The following LRFN2 variants were observed in gnomAD, a reference collection of about 807,000 sequenced individuals.
LRFN2 encodes leucine rich repeat and fibronectin type III domain containing 2.
In LRFN2, 18 loss-of-function variants were observed where a neutral mutation model predicts 37.3. That is an observed-to-expected ratio of 0.48 (90% confidence interval 0.33 to 0.72). The LOEUF is 0.72. LRFN2 is among the 30% of genes least tolerant of loss of function. LRFN2 has a pLI of 0.02. For synonymous variants in LRFN2, 556 were observed against 466.6 expected, an observed-to-expected ratio of 1.19 and a Z score of -2.47; for missense variants, 1,006 against 1,060.7, an observed-to-expected ratio of 0.95 and a Z score of 0.72.
intron 2 of LRFN2, among the ~76,000 whole-genome samples, chr6:40,412,006 C>T (rs1422210716): frequency 4.6e-5 from 7 of 152,240 alleles, no homozygotes; most frequent in South Asian, 4.1e-4. Context: ...CTGCATGTAA[C>T]GTGGGGAGGA....
At chr6:40,451,956 AATC>A (rs1311641535) in intron 1 of LRFN2, among the ~76,000 whole-genome samples, 1 of 152,172 alleles carries the variant, frequency 6.6e-6, no homozygotes, top group Non-Finnish European at 1.5e-5. Context: ...AATTTCTAGG[AATC>A]ATCATCACTC....
chr6:40,557,322 G>T (rs766092621), intron 1 of LRFN2, among the ~76,000 whole-genome samples: 3 of 152,162 alleles, frequency 2.0e-5, no homozygotes, highest in Non-Finnish European at 4.4e-5. Context: ...AAGCATAAAG[G>T]TCAGAAAAAT....
chr6:40,553,209 G>A (rs1309969531), intron 1 of LRFN2, among the ~76,000 whole-genome samples: 1 of 152,180 alleles, frequency 6.6e-6, no homozygotes, highest in Non-Finnish European at 1.5e-5. Context: ...GGCTTAGCCT[G>A]CCTTTACCAC....
chr6:40,580,959 G>C (rs1469873945), intron 1 of LRFN2, among the ~76,000 whole-genome samples: 1 of 152,170 alleles, frequency 6.6e-6, no homozygotes, highest in East Asian at 1.9e-4. Context: ...GGGCATGCAA[G>C]TGTGGATGTG....
chr6:40,473,692 C>T (rs1764652437), intron 1 of LRFN2, among the ~76,000 whole-genome samples: 2 of 151,978 alleles, frequency 1.3e-5, no homozygotes, highest in African/African-American at 4.8e-5. Context: ...GAATTTAAGC[C>T]CCACATGCAT....
intron 1 of LRFN2, among the ~76,000 whole-genome samples, chr6:40,511,067 G>A (rs1765692534): frequency 1.3e-5 from 2 of 152,146 alleles, no homozygotes; most frequent in South Asian, 4.1e-4. Flanking sequence ...AGGCCAAAGG[G>A]AGCCTGGGGC....
chr6:40,538,850 C>T (rs1304783210), intron 1 of LRFN2, among the ~76,000 whole-genome samples: 3 of 152,228 alleles, frequency 2.0e-5, no homozygotes, highest in Admixed American at 2.0e-4. Context: ...TCTTTTTGTG[C>T]TCATCAGAAA....
At position 40,391,591 on chromosome 6, in the gene LRFN2, A is replaced by C; in HGVS notation, c.*352T>G. On this transcript the variant is annotated 3_prime_UTR_variant, in exon 3 of 3. Coordinates refer to ENST00000338305, the MANE Select transcript of LRFN2 (RefSeq NM_020737.3). ...GTGAATGAAGAGGAGGAGTCTGGGAAATGGAAAAAAAATAAATTAAGAAAT... is the reference window on the plus strand; with the variant it reads ...GTGAATGAAGAGGAGGAGTCTGGGACATGGAAAAAAAATAAATTAAGAAAT... 5.4e-6 allele frequency: 1 copy of C among 185,520 alleles called. No individual in the cohort carries two copies. 11.5% of individuals were successfully genotyped at this position (185,520 alleles called of 1,614,324 possible).
At position 40,392,139 on chromosome 6, in the gene LRFN2, T is replaced by A; in HGVS notation, c.2174A>T (p.Asp725Val). 6.2e-7 allele frequency: 1 copy of A among 1,611,466 alleles called. No homozygotes were observed. The highest frequency in any genetic ancestry group is 8.5e-7 in the Non-Finnish European group (1 of 1,178,856). Residue 725 changes from aspartate (D) to valine (V), a missense_variant, in exon 3 of 3, where the codon GAC becomes GTC. This residue lies in a region of LRFN2 where 398 missense variants were observed against 327.6 expected (regional missense o/e 1.21). Coordinates refer to ENST00000338305, the MANE Select transcript of LRFN2 (RefSeq NM_020737.3). This position sits in a 1 kb window ranked among gnomAD's most constrained non-coding sequence, Gnocchi z 4.7. ...CGCCGCAGCAGCAAAGTCCCCCATGTCGAAGGAGTGGCTGCGTTTGGCCTT... is the reference window on the plus strand; with the variant it reads ...CGCCGCAGCAGCAAAGTCCCCCATGACGAAGGAGTGGCTGCGTTTGGCCTT... ...EGKAKRSHSF[D>V]MGDFAAAAAG... is the part of the protein sequence containing the mutation.
chr6:40,467,586 C>G (rs1394192908), intron 1 of LRFN2, among the ~76,000 whole-genome samples: 1 of 152,116 alleles, frequency 6.6e-6, no homozygotes, highest in Non-Finnish European at 1.5e-5. Context: ...CTATCTGCAA[C>G]CTGAATGGTA....
intron 1 of LRFN2, chr6:40,501,875 G>A (rs1028906840): frequency 2.0e-5 from 3 of 152,156 alleles, no homozygotes; most frequent in African/African-American, 7.2e-5. Context: ...ACAGGGAGCA[G>A]AGAGCCACGC....
intron 1 of LRFN2, among the ~76,000 whole-genome samples, chr6:40,497,326 A>G (rs953186531): frequency 6.6e-6 from 1 of 152,020 alleles, no homozygotes; most frequent in Non-Finnish European, 1.5e-5. Flanking sequence ...CTCTTAGTCA[A>G]CCAGGCCCAA....
chr6:40,545,210 C>T (rs551268685), intron 1 of LRFN2, among the ~76,000 whole-genome samples: 3 of 152,296 alleles, frequency 2.0e-5, no homozygotes, highest in South Asian at 4.2e-4. Flanking sequence ...TGGAAACTGA[C>T]CAGATAGCAA....
chr6:40,557,084 T>G (rs1389020435), intron 1 of LRFN2, among the ~76,000 whole-genome samples: 1 of 152,180 alleles, frequency 6.6e-6, no homozygotes, highest in African/African-American at 2.4e-5. Context: ...ACAGCCTCTC[T>G]GCCACAATGC....
chr6:40,555,483 G>A (rs572897150), intron 1 of LRFN2, among the ~76,000 whole-genome samples: 13 of 152,318 alleles, frequency 8.5e-5, no homozygotes, highest in African/African-American at 3.1e-4. Context: ...TGGGCTGTCT[G>A]AGCCCCATCC....
chr6:40,565,170 C>T (rs532353046), intron 1 of LRFN2, among the ~76,000 whole-genome samples: 1 of 152,268 alleles, frequency 6.6e-6, no homozygotes, highest in Non-Finnish European at 1.5e-5. Flanking sequence ...ATTAATCCAA[C>T]TTACAAGGGA....
chr6:40,522,710 G>A (rs1052628158), intron 1 of LRFN2, among the ~76,000 whole-genome samples: 2 of 152,182 alleles, frequency 1.3e-5, no homozygotes, highest in Admixed American at 1.3e-4. Flanking sequence ...CCCTTCCTAT[G>A]GAGGAATCCT....
chr6:40,489,029 T>C (rs1765029991), intron 1 of LRFN2, among the ~76,000 whole-genome samples: 3 of 152,180 alleles, frequency 2.0e-5, no homozygotes, highest in Admixed American at 6.5e-5. Context: ...AATAAGCACA[T>C]AGCCTGCTGT....
At chr6:40,450,138 C>T (rs1350207936) in intron 1 of LRFN2, among the ~76,000 whole-genome samples, 1 of 152,184 alleles carries the variant, frequency 6.6e-6, no homozygotes, top group African/African-American at 2.4e-5. Context: ...TCTTTCCTTT[C>T]GATGGTGCTG....
Sources: gnomAD v4.1 joint callset for allele counts (sites outside exome capture counted in the v4.1 genomes callset) on GRCh38, gnomAD v4.1.1 for gene constraint, gnomAD v4.1.1 regional missense constraint, Gnocchi (gnomAD v3.1) non-coding constraint, MANE v1.5 for transcripts, NCBI Gene and HGNC (gene_info 2026-07-23, HGNC 2026-07-21) for gene names.